ZBTB1: variants seen among roughly 807,000 people sequenced by gnomAD.
The protein encoded by ZBTB1 is zinc finger and BTB domain containing 1, also known as zinc finger and BTB domain-containing protein 1.
In ZBTB1, 13 loss-of-function variants were observed where a neutral mutation model predicts 51.6. The ratio of observed to expected loss-of-function variants is 0.25; its 90% CI spans 0.16 to 0.40. ZBTB1 has a LOEUF of 0.40. Among genes scored for constraint, ZBTB1 ranks in the 10% least tolerant of loss-of-function variants. The pLI is 1.00. For missense variants in ZBTB1, 567 were observed against 856.5 expected, an observed-to-expected ratio of 0.66 and a Z score of 4.22; for synonymous variants, 240 against 282.2, an observed-to-expected ratio of 0.85 and a Z score of 1.50.
chr14:64,503,765 CTCTCGCGCGGCT>C, upstream of ZBTB1: 1 of 280,336 alleles, frequency 3.6e-6, no homozygotes, highest in African/African-American at 2.3e-5. Flanking sequence ...CCTCGGCCGC[CTCTCGCGCGGCT>C]TCCCGCGCCG....
exon 3 of ZBTB1, chr14:64,532,159 T>C (rs2079946756): frequency 2.6e-6 from 1 of 390,118 alleles, no homozygotes; most frequent in Admixed American, 4.3e-5. Flanking sequence ...ACTAGAAAAT[T>C]CATACAACAT....
In ZBTB1 at chr14:64,508,909, AG is replaced by A. The variant is rs2079694008; in HGVS notation, c.-19+3965del. 7.9e-5 allele frequency among the ~76,000 whole-genome samples: 12 copies of A among 152,350 alleles called. No individual in the cohort carries two copies. The South Asian group carries it at 2.5e-3, about 32-fold the overall frequency. ...TGACTGAGATACTGCCCTGATGTCA[AG>A]GAGCTTGCAGTAAAGCAGGGGAGCC... On this transcript the variant is annotated intron_variant, in intron 1 of 1. Coordinates refer to ENST00000683701, the MANE Select transcript of ZBTB1 (RefSeq NM_001123329.2).
chr14:64,507,508 A>G lies in ZBTB1; in HGVS notation c.-19+2562A>G, dbSNP rs549054556. On this transcript the variant is annotated intron_variant, in intron 1 of 1. Transcript: ENST00000683701. Reference sequence around the variant, plus strand: ...CCATGTACAGTTAATTCCTTGTTTAAAACGAGAGAAGGCAACATTTGATCA... The same window carrying G: ...CCATGTACAGTTAATTCCTTGTTTAGAACGAGAGAAGGCAACATTTGATCA... Among the ~76,000 whole-genome samples, 3 of 152,342 alleles carry G rather than the reference A, an allele frequency of 2.0e-5. No homozygotes were observed. In the East Asian group the frequency reaches 5.8e-4, roughly 29 times the overall value.
chr14:64,524,929 A>G lies in ZBTB1; in HGVS notation c.*1283A>G, dbSNP rs896006318. The G allele has an allele frequency of 4.1e-6, 4 of 985,372 alleles. No homozygotes were observed. Among genetic ancestry groups the G allele is most frequent in the Admixed American group, 1.2e-4 (2 of 16,276 alleles). The allele number at this position is 985,372 out of a possible 1,614,324, so 61.0% of individuals were successfully genotyped here. ...AAACATTGGCAAAACTGACCCACCA[A>G]TAAACACATCTATTGAATAGAATGC... is the stretch of plus-strand genomic sequence containing the variant. On this transcript the variant is annotated 3_prime_UTR_variant, in exon 2 of 2. Transcript: ENST00000683701.
At chr14:64,511,080 T>C (rs2079719754) in intron 1 of ZBTB1, among the ~76,000 whole-genome samples, 1 of 152,126 alleles carries the variant, frequency 6.6e-6, no homozygotes, top group African/African-American at 2.4e-5. Flanking sequence ...TGAGACAAAA[T>C]ACAGGGAGGG....
upstream of ZBTB1, chr14:64,503,979 G>A (rs755758333): frequency 2.0e-5 from 3 of 152,164 alleles, no homozygotes; most frequent in Non-Finnish European, 4.4e-5. Flanking sequence ...TCTGTAGGCG[G>A]AAGCATAGGG....
In ZBTB1 at chr14:64,518,866, T is replaced by C. The variant is rs962610302; in HGVS notation, c.-18-2621T>C. On this transcript the variant is annotated intron_variant, in intron 1 of 1. Transcript: ENST00000683701. ...AAAAATACTTAAATGCCCACTAATA[T>C]TGTCTAATGTTAAATGAAGAAAACT... 3.5e-5 allele frequency among the ~76,000 whole-genome samples: 5 copies of C among 142,318 alleles called. No individual in the cohort carries two copies. The East Asian group carries it at 8.2e-4, about 23-fold the overall frequency. The allele number at this position is 142,318 out of a possible 152,430, so 93.4% of individuals were successfully genotyped here.
chr14:64,527,494 C>G (rs1285068195), downstream of ZBTB1, among the ~76,000 whole-genome samples: 1 of 152,154 alleles, frequency 6.6e-6, no homozygotes, highest in Non-Finnish European at 1.5e-5. Flanking sequence ...GCCTGTAATC[C>G]CAGCTACTTA....
Position 64,523,398 on chromosome 14 carries a change from G to A in ZBTB1, c.1894G>A (p.Ala632Thr). ...RLHNDMHKGM[A>T]RYVCSICDQG... ...GCACAATGATATGCACAAAGGCATG[G>A]CCAGGTATGTCTGTTCCATTTGTGA... is the stretch of plus-strand genomic sequence containing the variant. Residue 632 changes from alanine (A) to threonine (T), a missense_variant, in exon 2 of 2, where the codon GCC becomes ACC. Ala to Thr is a moderately conservative substitution (Grantham distance 58). Around this residue, in one of 5 missense-constraint regions of ZBTB1, gnomAD observed 69 missense variants for 171.8 expected, o/e 0.40. Coordinates refer to ENST00000683701, the MANE Select transcript of ZBTB1 (RefSeq NM_001123329.2). This position sits in a 1 kb window ranked among gnomAD's most constrained non-coding sequence, Gnocchi z 4.5. 1 of 1,614,186 alleles carries A rather than the reference G, an allele frequency of 6.2e-7. No homozygotes were observed. The highest frequency in any genetic ancestry group is 8.5e-7 in the Non-Finnish European group (1 of 1,180,012).
chr14:64,528,035 A>C (rs961400613), downstream of ZBTB1, among the ~76,000 whole-genome samples: 6 of 152,198 alleles, frequency 3.9e-5, no homozygotes, highest in African/African-American at 1.2e-4. Flanking sequence ...TTCTAAAAAA[A>C]AGTAGGAAGA....
Position 64,504,963 on chromosome 14 carries a change from T to C in ZBTB1, c.-19+17T>C. The C allele has an allele frequency of 5.1e-6, 2 of 394,748 alleles. No individual in the cohort carries two copies. Among genetic ancestry groups the C allele is most frequent in the Admixed American group, 8.9e-5 (2 of 22,562 alleles). 24.5% of individuals were successfully genotyped at this position (394,748 alleles called of 1,614,324 possible). On this transcript the variant is annotated intron_variant, in intron 1 of 1. Transcript: ENST00000683701. ...TTGCGGCCGGTAAGTATTTGCCAGT[T>C]GTGGGGCTATTTGCGCAACTTTGGC...
chr14:64,525,062 A>G, downstream of ZBTB1: 2 of 419,396 alleles, frequency 4.8e-6, no homozygotes, highest in South Asian at 2.0e-4. Context: ...CACTAATAGC[A>G]TTGCTCTTTT....
chr14:64,528,499 G>A (rs949871339), downstream of ZBTB1, among the ~76,000 whole-genome samples: 13 of 151,962 alleles, frequency 8.6e-5, no homozygotes, highest in African/African-American at 2.9e-4. Flanking sequence ...TGGGATTGCA[G>A]GGTACCAAAA....
exon 3 of ZBTB1, chr14:64,532,418 C>G (rs886121371): frequency 1.3e-5 from 2 of 152,158 alleles, no homozygotes; most frequent in African/African-American, 4.8e-5. Context: ...GTAATGGGTA[C>G]AGAGAAAAAA....
downstream of ZBTB1, among the ~76,000 whole-genome samples, chr14:64,526,421 ATCT>A (rs747576874): frequency 3.3e-5 from 5 of 152,164 alleles, no homozygotes; most frequent in African/African-American, 4.8e-5. Flanking sequence ...AAGCTGCCAG[ATCT>A]TCTGCCTTTG....
At chr14:64,511,940 T>C (rs1184495862) in intron 1 of ZBTB1, among the ~76,000 whole-genome samples, 1 of 152,188 alleles carries the variant, frequency 6.6e-6, no homozygotes, top group African/African-American at 2.4e-5. Flanking sequence ...TAGACCAGGA[T>C]TGAGGAGACC....
downstream of ZBTB1, among the ~76,000 whole-genome samples, chr14:64,526,692 C>T (rs753033526): frequency 3.3e-5 from 5 of 152,116 alleles, no homozygotes; most frequent in Non-Finnish European, 7.4e-5. Flanking sequence ...ACAACCAAGG[C>T]AGCAGTAGAT....
intron 1 of ZBTB1, among the ~76,000 whole-genome samples, chr14:64,510,935 G>A (rs2079718206): frequency 6.6e-6 from 1 of 152,188 alleles, no homozygotes; most frequent in Non-Finnish European, 1.5e-5. Context: ...GAGCAGGAAA[G>A]GTAGGGATGG....
chr14:64,504,717 G>C (rs2079609746), upstream of ZBTB1: 2 of 372,734 alleles, frequency 5.4e-6, no homozygotes, highest in African/African-American at 4.2e-5. Context: ...GCGTAAGCGG[G>C]GCCGGCTCAG....
Sources: gnomAD v4.1 joint callset for allele counts (sites outside exome capture counted in the v4.1 genomes callset) on GRCh38, gnomAD v4.1.1 for gene constraint, gnomAD v4.1.1 regional missense constraint, Gnocchi (gnomAD v3.1) non-coding constraint, MANE v1.5 for transcripts, NCBI Gene and HGNC (gene_info 2026-07-23, HGNC 2026-07-21) for gene names.